SPATA6: variants seen among roughly 807,000 people sequenced by gnomAD.
SPATA6 encodes spermatogenesis-associated protein 6.
In SPATA6, 56 loss-of-function variants were observed where a neutral mutation model predicts 65.3. The observed-to-expected ratio is 0.86, with a 90% CI of 0.69 to 1.07. The LOEUF (loss-of-function observed/expected upper bound fraction) is 1.07, where lower values mean the gene tolerates loss of function less well. Among genes scored for constraint, SPATA6 ranks in the 50% least tolerant of loss-of-function variants. The probability of loss-of-function intolerance (pLI) is 0.00; values close to 1 mark genes in which losing one functional copy is unlikely to be tolerated. For missense variants in SPATA6, 590 were observed against 594.8 expected, an observed-to-expected ratio of 0.99 and a Z score of 0.08; for synonymous variants, 199 against 213.2, an observed-to-expected ratio of 0.93 and a Z score of 0.58.
chr1:48,381,073 G>A (rs1648516303), intron 9 of SPATA6, among the ~76,000 whole-genome samples: 1 of 152,136 alleles, frequency 6.6e-6, no homozygotes, highest in Non-Finnish European at 1.5e-5. Context: ...TAGGGTTCGT[G>A]CTCCTATGAG....
At chr1:48,277,310 A>C in the SPATA6 span, among the ~76,000 whole-genome samples, 1 of 152,068 alleles carries the variant, frequency 6.6e-6, no homozygotes, top group Non-Finnish European at 1.5e-5. Flanking sequence ...CTCACTAGGG[A>C]GTGCCAGACA....
intron 5 of SPATA6, among the ~76,000 whole-genome samples, chr1:48,409,205 G>T (rs1385380681): frequency 1.3e-5 from 2 of 152,196 alleles, no homozygotes; most frequent in African/African-American, 4.8e-5. Context: ...GGGAGAAATT[G>T]ACCAAAACAA....
intron 11 of SPATA6, among the ~76,000 whole-genome samples, chr1:48,321,902 T>A (rs753980692): frequency 5.6e-4 from 86 of 152,266 alleles, no homozygotes; most frequent in Admixed American, 3.1e-3. Flanking sequence ...AACATGCTCC[T>A]GGATAACCAG....
At chr1:48,457,505 T>C (rs1240342013) in intron 1 of SPATA6, among the ~76,000 whole-genome samples, 1 of 152,192 alleles carries the variant, frequency 6.6e-6, no homozygotes, top group African/African-American at 2.4e-5. Context: ...AACAGCAAGA[T>C]AGAAGTGATT....
chr1:48,440,940 T>A (rs1655404351), intron 3 of SPATA6, among the ~76,000 whole-genome samples: 1 of 152,166 alleles, frequency 6.6e-6, no homozygotes, highest in Non-Finnish European at 1.5e-5. Flanking sequence ...GCCTTAGTCA[T>A]GGCCCTCAGA....
chr1:48,334,762 T>C (rs1180086061), intron 11 of SPATA6, among the ~76,000 whole-genome samples: 1 of 152,022 alleles, frequency 6.6e-6, no homozygotes, highest in African/African-American at 2.4e-5. Flanking sequence ...CTATTCAACA[T>C]AGTATTTTAA....
intron 11 of SPATA6, among the ~76,000 whole-genome samples, chr1:48,347,518 G>A (rs1646403229): frequency 6.9e-6 from 1 of 145,720 alleles, no homozygotes; most frequent in Admixed American, 6.9e-5. Flanking sequence ...TATATATAAT[G>A]TATTAAATTA....
chr1:48,414,069 C>A (rs1219613480), intron 3 of SPATA6, among the ~76,000 whole-genome samples: 1 of 152,176 alleles, frequency 6.6e-6, no homozygotes, highest in Non-Finnish European at 1.5e-5. Flanking sequence ...GTTTTCTCTG[C>A]TTCTTGAGAG....
intron 2 of SPATA6, 21 bp from the exon 3 acceptor site, chr1:48,451,621 G>C: frequency 6.9e-6 from 11 of 1,602,898 alleles, no homozygotes; most frequent in Non-Finnish European, 9.4e-6. Flanking sequence ...ACGATACAGG[G>C]AGAGGCAGGA....
chr1:48,353,939 T>C (rs1014150147), intron 11 of SPATA6, among the ~76,000 whole-genome samples: 2 of 151,482 alleles, frequency 1.3e-5, no homozygotes, highest in Non-Finnish European at 2.9e-5. Context: ...CTATTAAGAG[T>C]GAAAAGATAA....
chr1:48,435,580 T>C (rs1033323184), intron 3 of SPATA6, among the ~76,000 whole-genome samples: 9 of 152,070 alleles, frequency 5.9e-5, no homozygotes, highest in African/African-American at 2.2e-4. Context: ...CTCAGTGCTC[T>C]GCATCTAGCT....
At chr1:48,261,735 G>A in the SPATA6 span, among the ~76,000 whole-genome samples, 1 of 151,936 alleles carries the variant, frequency 6.6e-6, no homozygotes, top group Non-Finnish European at 1.5e-5. Context: ...TTCACATTTG[G>A]TATAATACTC....
the SPATA6 span, among the ~76,000 whole-genome samples, chr1:48,286,921 C>A: frequency 6.6e-6 from 1 of 151,774 alleles, no homozygotes; most frequent in Admixed American, 6.6e-5. Flanking sequence ...CACCTGTAGT[C>A]CCAGCTACTT....
At chr1:48,468,689 A>G (rs946292524) in intron 1 of SPATA6, among the ~76,000 whole-genome samples, 5 of 151,868 alleles carry the variant, frequency 3.3e-5, no homozygotes, top group African/African-American at 9.7e-5. Context: ...CCAACTGAGG[A>G]AAAAAAAGGA....
intron 11 of SPATA6, among the ~76,000 whole-genome samples, chr1:48,333,817 A>C (rs1039880677): frequency 3.9e-5 from 6 of 152,198 alleles, no homozygotes; most frequent in African/African-American, 1.4e-4. Context: ...GGAAACAGAG[A>C]CATAAAAAAA....
intron 3 of SPATA6, among the ~76,000 whole-genome samples, chr1:48,428,843 A>G (rs1022896587): frequency 7.4e-6 from 1 of 135,582 alleles, no homozygotes; most frequent in Non-Finnish European, 1.6e-5. Context: ...ATATATGTGT[A>G]TATATATGTG....
At chr1:48,465,840 A>G (rs1657767596) in intron 1 of SPATA6, among the ~76,000 whole-genome samples, 1 of 152,186 alleles carries the variant, frequency 6.6e-6, no homozygotes, top group African/African-American at 2.4e-5. Context: ...CTCAATTTAC[A>G]TGGCAATTGC....
intron 9 of SPATA6, among the ~76,000 whole-genome samples, chr1:48,377,230 G>C (rs1057493607): frequency 2.0e-5 from 3 of 152,038 alleles, no homozygotes; most frequent in Non-Finnish European, 4.4e-5. Flanking sequence ...ATGTCACCTT[G>C]CTATTTAAAA....
At chr1:48,308,704 C>G (rs1645123379) in intron 11 of SPATA6, among the ~76,000 whole-genome samples, 1 of 152,026 alleles carries the variant, frequency 6.6e-6, no homozygotes, top group Admixed American at 6.6e-5. Flanking sequence ...GACAGTTTTG[C>G]TGGATATTCA....
Sources: allele counts gnomAD v4.1 joint callset (sites outside exome capture counted in the v4.1 genomes callset), GRCh38; gene constraint gnomAD v4.1.1; transcripts MANE v1.5; gene names NCBI Gene and HGNC (gene_info 2026-07-23, HGNC 2026-07-21).